SYNPR: variants seen among roughly 807,000 people sequenced by gnomAD.
SYNPR encodes the protein synaptoporin.
Under a neutral mutation model 32.9 loss-of-function variants are expected in SYNPR, and 23 were observed. The ratio of observed to expected loss-of-function variants is 0.70; its 90% CI spans 0.50 to 0.99. The LOEUF (loss-of-function observed/expected upper bound fraction) is 0.99, where lower values mean the gene tolerates loss of function less well. Ranked by LOEUF, SYNPR falls within the 50% of genes least tolerant of loss-of-function variation. The pLI is 0.00. For synonymous variants in SYNPR, 146 were observed against 135.9 expected (o/e 1.07, Z -0.52); for missense variants, 318 against 349.3 (o/e 0.91, Z 0.71).
intron 4 of SYNPR, among the ~76,000 whole-genome samples, chr3:63,559,334 T>C (rs541744155): frequency 2.0e-5 from 3 of 152,318 alleles, no homozygotes; most frequent in East Asian, 3.9e-4. Context: ...AGCCTTGGCC[T>C]CCCAAAATGT....
At chr3:63,573,943 G>A (rs1028562655) in intron 4 of SYNPR, among the ~76,000 whole-genome samples, 2 of 152,140 alleles carry the variant, frequency 1.3e-5, no homozygotes, top group Non-Finnish European at 2.9e-5. Context: ...GGGCCCACTG[G>A]TGGGTAAAAG....
At chr3:63,229,119 A>G (rs1321565876) in intron 1 of SYNPR, among the ~76,000 whole-genome samples, 1 of 152,204 alleles carries the variant, frequency 6.6e-6, no homozygotes, top group Admixed American at 6.5e-5. Context: ...AAATCCTGAT[A>G]TGACCACTGA....
At chr3:63,473,179 T>G (rs1462182905) in intron 2 of SYNPR, among the ~76,000 whole-genome samples, 1 of 152,142 alleles carries the variant, frequency 6.6e-6, no homozygotes, top group Non-Finnish European at 1.5e-5. Context: ...CCTGGATAAC[T>G]CAGGCCCATT....
intron 3 of SYNPR, among the ~76,000 whole-genome samples, chr3:63,546,259 G>A (rs1702400485): frequency 6.6e-6 from 1 of 152,078 alleles, no homozygotes; most frequent in South Asian, 2.1e-4. Flanking sequence ...GGGTTTCATA[G>A]GGTTTTACTT....
intron 2 of SYNPR, among the ~76,000 whole-genome samples, chr3:63,316,279 C>G (rs989128363): frequency 6.6e-6 from 1 of 151,880 alleles, no homozygotes; most frequent in African/African-American, 2.4e-5. Flanking sequence ...CCTTCTTTCT[C>G]TATCTTGTGG....
intron 4 of SYNPR, among the ~76,000 whole-genome samples, chr3:63,601,899 A>G: frequency 6.6e-6 from 1 of 152,182 alleles, no homozygotes. Context: ...CTCTTTGAGG[A>G]ATCACCACAC....
chr3:63,493,077 G>C (rs556767210), intron 3 of SYNPR, among the ~76,000 whole-genome samples: 1 of 152,148 alleles, frequency 6.6e-6, no homozygotes, highest in African/African-American at 2.4e-5. Flanking sequence ...GAAATGTTAG[G>C]ACATGCTTTG....
intron 2 of SYNPR, among the ~76,000 whole-genome samples, chr3:63,459,446 A>G (rs1292880150): frequency 1.3e-5 from 2 of 152,150 alleles, no homozygotes; most frequent in Admixed American, 6.6e-5. Context: ...AAGCAGCACT[A>G]CATATTTTGC....
chr3:63,495,097 C>T (rs1019037905), intron 3 of SYNPR, among the ~76,000 whole-genome samples: 85 of 152,204 alleles, frequency 5.6e-4, no homozygotes, highest in African/African-American at 2.0e-3. Flanking sequence ...TGTTCTTTTT[C>T]CTTTTTGCAG....
At chr3:63,311,779 T>C (rs997940824) in intron 2 of SYNPR, among the ~76,000 whole-genome samples, 1 of 152,064 alleles carries the variant, frequency 6.6e-6, no homozygotes, top group African/African-American at 2.4e-5. Flanking sequence ...ACAGGTTATG[T>C]CATTATGTAA....
Position 63,455,788 on chromosome 3 carries a change from G to GTGTGTGT in SYNPR, c.85-25044_85-25043insTGTGTGT, listed in dbSNP as rs1559504358. On this transcript the variant is annotated intron_variant, in intron 2 of 5. Transcript: ENST00000478300. ...GTGTGTGTGTGTGTGTGTGTGTGTG[G>GTGTGTGT]ATCTTCAGATGTTCTCAAAGTCAAA... is the stretch of plus-strand genomic sequence containing the variant. 3.6e-3 allele frequency among the ~76,000 whole-genome samples: 272 copies of GTGTGTGT among 74,648 alleles called. 2 individuals are homozygous for GTGTGTGT. The highest frequency in any genetic ancestry group is 0.026 in the Admixed American group (224 of 8,682). The allele number at this position is 74,648 out of a possible 152,430, so 49.0% of individuals were successfully genotyped here.
At chr3:63,427,100 C>T (rs1699906056) in intron 2 of SYNPR, among the ~76,000 whole-genome samples, 1 of 149,310 alleles carries the variant, frequency 6.7e-6, no homozygotes, top group Non-Finnish European at 1.5e-5. Context: ...TCTCAAGCTA[C>T]TTGTTTGAAA....
At chr3:63,490,801 T>C (rs528702929) in intron 3 of SYNPR, among the ~76,000 whole-genome samples, 3 of 152,230 alleles carry the variant, frequency 2.0e-5, no homozygotes, top group South Asian at 4.1e-4. Context: ...CTCACTCTGT[T>C]ACCCAGGCTG....
At chr3:63,339,084 T>C (rs1470741579) in intron 2 of SYNPR, among the ~76,000 whole-genome samples, 1 of 152,234 alleles carries the variant, frequency 6.6e-6, no homozygotes, top group African/African-American at 2.4e-5. Context: ...CTCTATTACC[T>C]GATACACTGG....
At chr3:63,410,643 A>T (rs2107117075) in intron 2 of SYNPR, among the ~76,000 whole-genome samples, 1 of 152,234 alleles carries the variant, frequency 6.6e-6, no homozygotes, top group East Asian at 1.9e-4. Context: ...TTTCCAACTG[A>T]TGGGTTTCCA....
At chr3:63,535,499 T>G (rs1483984892) in intron 3 of SYNPR, among the ~76,000 whole-genome samples, 2 of 152,082 alleles carry the variant, frequency 1.3e-5, no homozygotes, top group Non-Finnish European at 2.9e-5. Context: ...AACACCTTAT[T>G]AATAGAGATG....
At chr3:63,369,947 C>T (rs9882651) in intron 2 of SYNPR, among the ~76,000 whole-genome samples, 6,783 of 152,150 alleles carry the variant, frequency 0.045, 465 homozygotes, top group African/African-American at 0.15. Flanking sequence ...TTCAGGTTCT[C>T]GTCTTATCTC....
At chr3:63,355,153 C>A (rs1204693225) in intron 2 of SYNPR, among the ~76,000 whole-genome samples, 2 of 152,046 alleles carry the variant, frequency 1.3e-5, no homozygotes, top group Admixed American at 1.3e-4. Flanking sequence ...GTGGCACACA[C>A]CTGTAGTCCC....
At chr3:63,307,916 G>A (rs2106949242) in intron 2 of SYNPR, among the ~76,000 whole-genome samples, 2 of 152,040 alleles carry the variant, frequency 1.3e-5, no homozygotes, top group Middle Eastern at 6.8e-3. Flanking sequence ...GACTTGAGAA[G>A]AACATAGTTC....
Sources: allele counts gnomAD v4.1 joint callset (sites outside exome capture counted in the v4.1 genomes callset), GRCh38; gene constraint gnomAD v4.1.1; transcripts MANE v1.5; gene names NCBI Gene and HGNC (gene_info 2026-07-23, HGNC 2026-07-21).